The following RALYL variants were observed in gnomAD, a reference collection of about 807,000 sequenced individuals.
RALYL encodes the protein RALY RNA binding protein like.
In RALYL, 29 loss-of-function variants were observed where a neutral mutation model predicts 35.1. The ratio of observed to expected loss-of-function variants is 0.83; its 90% CI spans 0.61 to 1.13. The LOEUF (loss-of-function observed/expected upper bound fraction) is 1.13. Ranked by LOEUF, RALYL falls within the 50% of genes most tolerant of loss-of-function variation. The pLI, the probability that RALYL is intolerant of heterozygous loss-of-function variation, is 0.00. For missense variants in RALYL, 359 were observed against 360.4 expected (o/e 1.00, Z 0.03); for synonymous variants, 120 against 127.6 (o/e 0.94, Z 0.40).
intron 2 of RALYL, among the ~76,000 whole-genome samples, chr8:84,684,152 C>T (rs915754774): frequency 6.6e-6 from 1 of 152,180 alleles, no homozygotes. Context: ...CAAATGAAAA[C>T]ACATCTTTTC....
At chr8:84,373,639 C>T (rs1273791940) in intron 1 of RALYL, among the ~76,000 whole-genome samples, 3 of 151,852 alleles carry the variant, frequency 2.0e-5, no homozygotes, top group Non-Finnish European at 4.4e-5. Context: ...TATAGTTTGA[C>T]GTCAGGTAGC....
At chr8:84,196,968 T>G (rs1815459148) in intron 1 of RALYL, among the ~76,000 whole-genome samples, 1 of 152,176 alleles carries the variant, frequency 6.6e-6, no homozygotes, top group Non-Finnish European at 1.5e-5. Context: ...GCCCTGGAGG[T>G]AAGGAAATAA....
rs1841380939 is a variant in RALYL, at chr8:84,304,281, C to G, written c.-24+119857C>G. On this transcript the variant is annotated intron_variant, in intron 1 of 8. Coordinates refer to ENST00000521268, the MANE Select transcript of RALYL (RefSeq NM_173848.7). The stretch of plus-strand genomic sequence containing the variant: ...TACAGGCGCCCGCCACCAAGCCCAG[C>G]TAATTTTTTGTATTTTTAGTAGAGA... 2.6e-5 allele frequency among the ~76,000 whole-genome samples: 4 copies of G among 152,102 alleles called. No individual in the cohort carries two copies. The South Asian group carries it at 8.3e-4, about 32-fold the overall frequency.
At chr8:84,231,673 T>C (rs1207213891) in intron 1 of RALYL, among the ~76,000 whole-genome samples, 1 of 152,234 alleles carries the variant, frequency 6.6e-6, no homozygotes, top group African/African-American at 2.4e-5. Context: ...TTCTGTTTAT[T>C]TCTTACATAC....
At chr8:84,264,136 G>T (rs1832835421) in intron 1 of RALYL, among the ~76,000 whole-genome samples, 1 of 152,146 alleles carries the variant, frequency 6.6e-6, no homozygotes, top group African/African-American at 2.4e-5. Flanking sequence ...ATCCAATAAT[G>T]GAATTGCTGG....
intron 8 of RALYL, among the ~76,000 whole-genome samples, chr8:84,916,523 A>AG (rs1283080271): frequency 6.6e-6 from 1 of 151,764 alleles, no homozygotes; most frequent in Non-Finnish European, 1.5e-5. Context: ...ATGGTGCTAT[A>AG]GGGGGGAGTT....
chr8:84,715,644 A>G (rs974413632), intron 2 of RALYL, among the ~76,000 whole-genome samples: 2 of 152,062 alleles, frequency 1.3e-5, no homozygotes, highest in African/African-American at 2.4e-5. Flanking sequence ...AAAGGTTTCC[A>G]GAACTTAGAA....
intron 1 of RALYL, among the ~76,000 whole-genome samples, chr8:84,266,792 C>T (rs1833388516): frequency 6.6e-6 from 1 of 151,854 alleles, no homozygotes; most frequent in Non-Finnish European, 1.5e-5. Flanking sequence ...AACCCCGTCT[C>T]TACTAAAAAT....
At chr8:84,230,485 T>G (rs868646943) in intron 1 of RALYL, among the ~76,000 whole-genome samples, 23 of 152,182 alleles carry the variant, frequency 1.5e-4, no homozygotes, top group African/African-American at 5.3e-4. Flanking sequence ...CTGTGAATAA[T>G]GTGAACAGGA....
At chr8:84,518,752 A>G (rs1456259437) in intron 1 of RALYL, among the ~76,000 whole-genome samples, 1 of 152,196 alleles carries the variant, frequency 6.6e-6, no homozygotes, top group East Asian at 1.9e-4. Context: ...TGCATCAGTA[A>G]TGACTGAAAG....
intron 1 of RALYL, among the ~76,000 whole-genome samples, chr8:84,324,525 A>G (rs1586288604): frequency 6.6e-6 from 1 of 152,054 alleles, no homozygotes; most frequent in East Asian, 1.9e-4. Flanking sequence ...AAGGAGTTTC[A>G]TTACGAGGAA....
At chr8:84,404,523 A>C (rs2043258612) in intron 1 of RALYL, among the ~76,000 whole-genome samples, 1 of 152,136 alleles carries the variant, frequency 6.6e-6, no homozygotes, top group African/African-American at 2.4e-5. Flanking sequence ...GATGAAGCCT[A>C]CTTGATTGTG....
intron 2 of RALYL, among the ~76,000 whole-genome samples, chr8:84,761,243 G>A (rs1200175783): frequency 6.6e-6 from 1 of 151,900 alleles, no homozygotes; most frequent in Non-Finnish European, 1.5e-5. Flanking sequence ...ATGAAAAAAT[G>A]CAACTTTAAA....
At chr8:84,444,697 G>C (rs2048684488) in intron 1 of RALYL, among the ~76,000 whole-genome samples, 1 of 152,080 alleles carries the variant, frequency 6.6e-6, no homozygotes. Flanking sequence ...CCAATAATAG[G>C]AGACAAGCGT....
chr8:84,895,177 C>T (rs1423457924), intron 8 of RALYL, among the ~76,000 whole-genome samples: 1 of 152,102 alleles, frequency 6.6e-6, no homozygotes, highest in African/African-American at 2.4e-5. Flanking sequence ...GTCTTGAACT[C>T]TATCAATCCA....
intron 2 of RALYL, among the ~76,000 whole-genome samples, chr8:84,733,410 C>T (rs1846614613): frequency 6.6e-6 from 1 of 152,136 alleles, no homozygotes; most frequent in African/African-American, 2.4e-5. Context: ...TTCTGACAGT[C>T]TATTATTTTA....
chr8:84,467,668 G>A lies in RALYL; in HGVS notation c.-23-61631G>A, dbSNP rs574269138. Among the ~76,000 whole-genome samples the A allele has an allele frequency of 1.1e-3, 163 of 152,148 alleles. 2 individuals carry two copies. Among genetic ancestry groups the A allele is most frequent in the African/African-American group, 3.7e-3 (155 of 41,510 alleles). On this transcript the variant is annotated intron_variant, in intron 1 of 8. Transcript: ENST00000521268. ...TAGATGTCTATTAGGTCCACTTGGTGCTGAGCTGAGTTCAATTCCTGGGTA... is the reference window on the plus strand; with the variant it reads ...TAGATGTCTATTAGGTCCACTTGGTACTGAGCTGAGTTCAATTCCTGGGTA...
intron 8 of RALYL, among the ~76,000 whole-genome samples, chr8:84,898,998 GCA>G (rs1329830147): frequency 6.6e-6 from 1 of 152,166 alleles, no homozygotes; most frequent in African/African-American, 2.4e-5. Flanking sequence ...CTCACGCATA[GCA>G]CAGTATCTAG....
At chr8:84,354,065 A>AT (rs11400271) in intron 1 of RALYL, among the ~76,000 whole-genome samples, 59,851 of 144,456 alleles carry the variant, frequency 0.41, 13,731 homozygotes, top group East Asian at 0.51. Context: ...TAAAAAATAG[A>AT]TTTTTTTTTT....
Sources: gnomAD v4.1 joint callset for allele counts (sites outside exome capture counted in the v4.1 genomes callset) on GRCh38, gnomAD v4.1.1 for gene constraint, MANE v1.5 for transcripts, NCBI Gene and HGNC (gene_info 2026-07-23, HGNC 2026-07-21) for gene names.